Variants in PHF21B observed in about 807,000 individuals in gnomAD.
PHF21B encodes PHD finger protein 21B.
PHF21B carries 22 observed loss-of-function variants against 62.2 expected under a neutral mutation model. The observed-to-expected ratio is 0.35, with a 90% CI of 0.25 to 0.51. The LOEUF is 0.51. Ranked by LOEUF, PHF21B falls within the 20% of genes least tolerant of loss-of-function variation. The pLI, the probability that PHF21B is intolerant of heterozygous loss-of-function variation, is 0.97. For missense variants in PHF21B, 701 were observed against 707.9 expected (o/e 0.99, Z 0.11); for synonymous variants, 341 against 314.7 (o/e 1.08, Z -0.88).
At chr22:44,981,586 G>T (rs1005768441) in intron 2 of PHF21B, among the ~76,000 whole-genome samples, 1 of 152,242 alleles carries the variant, frequency 6.6e-6, no homozygotes. Flanking sequence ...AAGACTCAGA[G>T]ATGCTAAGTG....
At chr22:44,999,219 C>T (rs558118573) in intron 2 of PHF21B, among the ~76,000 whole-genome samples, 1 of 152,324 alleles carries the variant, frequency 6.6e-6, no homozygotes, top group East Asian at 1.9e-4. Context: ...GAGCAATCTT[C>T]AGAAAGCATA....
At chr22:44,946,538 C>T (rs1276724618) in intron 2 of PHF21B, among the ~76,000 whole-genome samples, 1 of 151,746 alleles carries the variant, frequency 6.6e-6, no homozygotes, top group Non-Finnish European at 1.5e-5. Flanking sequence ...GGTGGGTGGA[C>T]GGATGGAAGG....
intron 2 of PHF21B, among the ~76,000 whole-genome samples, chr22:44,939,004 T>G (rs751547219): frequency 6.6e-6 from 1 of 152,238 alleles, no homozygotes; most frequent in South Asian, 2.1e-4. Flanking sequence ...TCCACCAGGC[T>G]GCTGGGCTGC....
intron 2 of PHF21B, among the ~76,000 whole-genome samples, chr22:45,005,520 A>G (rs2073299830): frequency 6.6e-6 from 1 of 152,240 alleles, no homozygotes; most frequent in Non-Finnish European, 1.5e-5. Flanking sequence ...TAAGCTATCT[A>G]CCACTATGAG....
chr22:44,999,553 A>AC (rs1230452450), intron 2 of PHF21B, among the ~76,000 whole-genome samples: 6 of 152,174 alleles, frequency 3.9e-5, no homozygotes, highest in African/African-American at 1.4e-4. Context: ...GCTCGCGGTC[A>AC]CCAGGACGGT....
At chr22:45,004,382 TG>T (rs1370159546) in intron 2 of PHF21B, among the ~76,000 whole-genome samples, 1 of 148,546 alleles carries the variant, frequency 6.7e-6, no homozygotes, top group Non-Finnish European at 1.5e-5. Context: ...GCTGTGTGTG[TG>T]GGGGGTGTGA....
chr22:44,907,453 C>T (rs1414179104), intron 5 of PHF21B, among the ~76,000 whole-genome samples: 1 of 152,200 alleles, frequency 6.6e-6, no homozygotes, highest in East Asian at 1.9e-4. Flanking sequence ...TGTTCAGCGT[C>T]CCGCACGTGC....
intron 8 of PHF21B, among the ~76,000 whole-genome samples, chr22:44,890,819 G>A (rs112020263): frequency 0.012 from 1,829 of 152,312 alleles, 39 homozygotes; most frequent in African/African-American, 0.041. Context: ...AGGAGCCCTC[G>A]GCTCCAACAC....
chr22:44,994,364 A>G (rs2147512116), intron 2 of PHF21B, among the ~76,000 whole-genome samples: 1 of 152,350 alleles, frequency 6.6e-6, no homozygotes, highest in African/African-American at 2.4e-5. Context: ...CTGAGGTAAG[A>G]CAGCCAGGTG....
chr22:44,898,225 G>C (rs1289790033), intron 5 of PHF21B, among the ~76,000 whole-genome samples: 2 of 152,148 alleles, frequency 1.3e-5, no homozygotes, highest in African/African-American at 4.8e-5. Context: ...AGCTTGAGGA[G>C]GACTGGTCAG....
At chr22:44,986,521 CAAAAAAAA>C (rs3063310) in intron 2 of PHF21B, among the ~76,000 whole-genome samples, 1 of 85,846 alleles carries the variant, frequency 1.2e-5, no homozygotes, top group African/African-American at 4.5e-5. Flanking sequence ...GATCTTATTT[CAAAAAAAA>C]AAAAAAAAAA....
chr22:44,906,648 G>A (rs2071255690), intron 5 of PHF21B, among the ~76,000 whole-genome samples: 1 of 152,228 alleles, frequency 6.6e-6, no homozygotes, highest in Admixed American at 6.5e-5. Flanking sequence ...AGCGCCCTGG[G>A]TCGGGAGCCA....
chr22:44,939,658 G>A (rs1365902997), intron 2 of PHF21B, among the ~76,000 whole-genome samples: 2 of 152,144 alleles, frequency 1.3e-5, no homozygotes, highest in Non-Finnish European at 2.9e-5. Flanking sequence ...CAGCATCAAC[G>A]AGGAGACCAG....
intron 2 of PHF21B, among the ~76,000 whole-genome samples, chr22:44,982,582 C>T (rs550305527): frequency 3.0e-4 from 46 of 152,354 alleles, no homozygotes; most frequent in African/African-American, 8.9e-4. Context: ...GCTCACATCT[C>T]GCAGCCACTG....
At chr22:44,967,648 C>T (rs1227449113) in intron 2 of PHF21B, among the ~76,000 whole-genome samples, 1 of 152,218 alleles carries the variant, frequency 6.6e-6, no homozygotes, top group Non-Finnish European at 1.5e-5. Context: ...ATGTCTGACA[C>T]CGGCCTGGTG....
chr22:44,926,671 C>T (rs2071638407), intron 2 of PHF21B, among the ~76,000 whole-genome samples: 1 of 152,214 alleles, frequency 6.6e-6, no homozygotes, highest in African/African-American at 2.4e-5. Context: ...CCAAGGGTTG[C>T]CGTGTGGGCT....
At chr22:44,928,097 A>C (rs1355290889) in intron 2 of PHF21B, among the ~76,000 whole-genome samples, 2 of 152,008 alleles carry the variant, frequency 1.3e-5, no homozygotes, top group Non-Finnish European at 2.9e-5. Flanking sequence ...GTCTTTAATA[A>C]ATGTTTCTGA....
Position 44,962,666 on chromosome 22 carries a change from ACT to A in PHF21B, c.121-42178_121-42177del, listed in dbSNP as rs1461941928. 3.3e-5 allele frequency among the ~76,000 whole-genome samples: 5 copies of A among 152,260 alleles called. No individual in the cohort carries two copies. The South Asian group carries it at 1.0e-3, about 32-fold the overall frequency. ...CCTACTGGCTGTATTTCTCTGGGGA[ACT>A]CTGACAAATACAAGCTGGGTCCCAT... On this transcript the variant is annotated intron_variant, in intron 2 of 12. Transcript: ENST00000313237.
chr22:44,907,000 C>CTTCCACT (rs1468672950), intron 5 of PHF21B, among the ~76,000 whole-genome samples: 1 of 152,216 alleles, frequency 6.6e-6, no homozygotes, highest in Admixed American at 6.5e-5. Context: ...CATCCCTGAG[C>CTTCCACT]TTCCACTGCC....
Sources: allele counts gnomAD v4.1 joint callset (sites outside exome capture counted in the v4.1 genomes callset), GRCh38; gene constraint gnomAD v4.1.1; transcripts MANE v1.5; gene names NCBI Gene and HGNC (gene_info 2026-07-23, HGNC 2026-07-21).